Variants in MYO5A observed in about 807,000 individuals in gnomAD.
MYO5A encodes the protein myosin VA, also known as unconventional myosin-Va.
MYO5A carries 98 observed loss-of-function variants against 249.7 expected under a neutral mutation model. The observed-to-expected ratio is 0.39, with a 90% CI of 0.33 to 0.46. The LOEUF is 0.46. MYO5A is among the 20% of genes least tolerant of loss of function. MYO5A has a pLI of 0.98. For synonymous variants in MYO5A, 778 were observed against 810.6 expected, an observed-to-expected ratio of 0.96 and a Z score of 0.68; for missense variants, 1,696 against 2,308.8, an observed-to-expected ratio of 0.73 and a Z score of 5.44.
In MYO5A at chr15:52,507,804, C is replaced by CAAAAAAAAAAAAAAAAAA. The variant is rs57445300; in HGVS notation, c.27+20975_27+20976insTTTTTTTTTTTTTTTTTT. ...GAGCAACAGAATGAGACCCTGTCCCCAAAAAAAAAAAAAAAAAGTGTAATA... is the reference window on the plus strand; with the variant it reads ...GAGCAACAGAATGAGACCCTGTCCCCAAAAAAAAAAAAAAAAAAAAAAAAAAAAAAAAAAAGTGTAATA... On this transcript the variant is annotated intron_variant, in intron 1 of 41. Coordinates refer to ENST00000399233, the MANE Select transcript of MYO5A (RefSeq NM_001382347.1). Among the ~76,000 whole-genome samples the CAAAAAAAAAAAAAAAAAA allele has an allele frequency of 3.9e-5, 4 of 102,964 alleles. No homozygotes were observed. The South Asian group carries it at 1.2e-3, about 32-fold the overall frequency. The allele number at this position is 102,964 out of a possible 152,430, so 67.5% of individuals were successfully genotyped here.
intron 1 of MYO5A, among the ~76,000 whole-genome samples, chr15:52,467,410 C>T (rs2076374451): frequency 6.6e-6 from 1 of 151,974 alleles, no homozygotes; most frequent in African/African-American, 2.4e-5. Context: ...CAAAAATAGA[C>T]TAGACTAAGC....
intron 1 of MYO5A, among the ~76,000 whole-genome samples, chr15:52,465,803 A>C (rs959082655): frequency 3.9e-5 from 6 of 152,162 alleles, no homozygotes; most frequent in African/African-American, 1.4e-4. Context: ...GAAGAACCAA[A>C]ATAGTGTGTA....
At chr15:52,519,621 AT>A (rs201774654) in intron 1 of MYO5A, among the ~76,000 whole-genome samples, 21 of 113,268 alleles carry the variant, frequency 1.9e-4, no homozygotes, top group East Asian at 4.6e-4. Flanking sequence ...AAAAAAAATA[AT>A]AATAATAATA....
chr15:52,462,173 G>A (rs537786651), intron 1 of MYO5A, among the ~76,000 whole-genome samples: 6 of 152,000 alleles, frequency 3.9e-5, no homozygotes, highest in East Asian at 1.9e-4. Flanking sequence ...GGCTGAGGCA[G>A]GAGAATGGCG....
In MYO5A at chr15:52,410,324, C is replaced by T. The variant is rs1393507850; in HGVS notation, c.756+9G>A. 1 of 1,612,422 alleles carries T rather than the reference C, an allele frequency of 6.2e-7. No individual in the cohort carries two copies. ...AACACAAGTGCATATGTGTATATGG[C>T]CAGCTTACCTGGAATACCACTCTGG... is the stretch of plus-strand genomic sequence containing the variant. On this transcript the variant is annotated intron_variant, in intron 6 of 41. Coordinates refer to ENST00000399233, the MANE Select transcript of MYO5A (RefSeq NM_001382347.1).
chr15:52,494,897 C>T (rs2077007322), intron 1 of MYO5A, among the ~76,000 whole-genome samples: 3 of 152,180 alleles, frequency 2.0e-5, no homozygotes, highest in African/African-American at 7.2e-5. Flanking sequence ...TAAGCAAGAA[C>T]AGCTATTGCA....
At chr15:52,321,255 TC>T in intron 38 of MYO5A, 103 bp downstream of exon 38, 2 of 1,470,150 alleles carry the variant, frequency 1.4e-6, no homozygotes, top group Non-Finnish European at 1.9e-6. Context: ...TACTTTATGC[TC>T]CCCAAATGAA....
At chr15:52,428,371 T>C (rs1206045493) in intron 3 of MYO5A, 27 bp downstream of exon 3, 5 of 1,600,460 alleles carry the variant, frequency 3.1e-6, no homozygotes, top group South Asian at 1.1e-5. Context: ...GAGTCCACAG[T>C]CTATTCGGAA....
chr15:52,495,420 T>A (rs2141556620), intron 1 of MYO5A, among the ~76,000 whole-genome samples: 1 of 152,354 alleles, frequency 6.6e-6, no homozygotes, highest in South Asian at 2.1e-4. Context: ...GAGGAACTAC[T>A]GGTCAAAAAA....
At chr15:52,375,580 C>G in intron 19 of MYO5A, 120 bp from the exon 20 acceptor site, 1 of 1,009,670 alleles carries the variant, frequency 9.9e-7, no homozygotes, top group Admixed American at 2.0e-5. Flanking sequence ...TTGTATTATT[C>G]TAATAATGTG....
intron 1 of MYO5A, among the ~76,000 whole-genome samples, chr15:52,469,958 A>G (rs1365034305): frequency 1.3e-5 from 2 of 152,176 alleles, no homozygotes; most frequent in Non-Finnish European, 2.9e-5. Flanking sequence ...CCTTTTTGCC[A>G]CATCCATAAT....
intron 24 of MYO5A, among the ~76,000 whole-genome samples, chr15:52,361,443 T>C (rs2040520498): frequency 2.0e-5 from 3 of 152,202 alleles, no homozygotes; most frequent in Non-Finnish European, 2.9e-5. Context: ...AAGGCATTAA[T>C]AGAAGCAACA....
chr15:52,523,780 G>A (rs1333598026), intron 1 of MYO5A, among the ~76,000 whole-genome samples: 1 of 152,194 alleles, frequency 6.6e-6, no homozygotes, highest in Non-Finnish European at 1.5e-5. Context: ...GGAACACCAG[G>A]AGGAAATTCA....
chr15:52,473,831 C>T (rs1402494490), intron 1 of MYO5A, among the ~76,000 whole-genome samples: 1 of 152,138 alleles, frequency 6.6e-6, no homozygotes, highest in Non-Finnish European at 1.5e-5. Flanking sequence ...AGTGTGATGC[C>T]TCCAGCTTTG....
chr15:52,526,832 C>T (rs1304878442), intron 1 of MYO5A, among the ~76,000 whole-genome samples: 1 of 152,080 alleles, frequency 6.6e-6, no homozygotes, highest in Non-Finnish European at 1.5e-5. Context: ...AAAAAGCATT[C>T]GAAATCCAAC....
chr15:52,370,237 C>T lies in MYO5A; in HGVS notation c.2998G>A (p.Glu1000Lys). ...CATTTTTTCTCTGAACGAGTTTGCT[C>T]CAGGTCTTTCCGGAGCTTGGCAATT... The part of the protein sequence containing the change: ...EEIAKLRKDL[E>K]QTRSEKKCIE... The change falls in exon 22 of 42, where the codon GAG becomes AAG. Residue 1000 changes from glutamate to lysine, a missense_variant. Transcript: ENST00000399233. The T allele has an allele frequency of 1.2e-6, 2 of 1,614,082 alleles. No individual in the cohort carries two copies. The highest frequency in any genetic ancestry group is 1.7e-6 in the Non-Finnish European group (2 of 1,180,004).
chr15:52,505,978 C>T lies in MYO5A; in HGVS notation c.27+22802G>A, dbSNP rs1357443335. 48 of 884,668 alleles carry T rather than the reference C, an allele frequency of 5.4e-5. No homozygotes were observed. The East Asian group carries it at 1.3e-3, about 24-fold the overall frequency. 54.8% of individuals were successfully genotyped at this position (884,668 alleles called of 1,614,324 possible). On this transcript the variant is annotated intron_variant, in intron 1 of 41. Transcript: ENST00000399233. ...CCTGTAATCCCATCACTTTGGGAGG[C>T]TGAGGAGGGCAGATATCTTGAGGTC...
chr15:52,433,413 C>CTT (rs151276395), intron 1 of MYO5A, 128 bp from the exon 2 acceptor site: 21,986 of 268,214 alleles, frequency 0.082, 949 homozygotes, highest in Non-Finnish European at 0.098. Context: ...ATGAAATTCA[C>CTT]TTTTTTTTTT....
Position 52,379,743 on chromosome 15 carries a change from G to T in MYO5A, c.2100-10C>A, listed in dbSNP as rs1374557934. The T allele has an allele frequency of 8.1e-6, 13 of 1,614,082 alleles. No homozygotes were observed. The highest frequency in any genetic ancestry group is 1.1e-5 in the Non-Finnish European group (13 of 1,179,934). On this transcript the variant is annotated splice_polypyrimidine_tract_variant and intron_variant, in intron 17 of 41. Coordinates refer to ENST00000399233, the MANE Select transcript of MYO5A (RefSeq NM_001382347.1). ...TTCTTGGTAAGTCCACCTATTAAAA[G>T]AAAACCATCTGAGTTTACTTAAAGA...
Sources: allele counts gnomAD v4.1 joint callset (sites outside exome capture counted in the v4.1 genomes callset), GRCh38; gene constraint gnomAD v4.1.1; transcripts MANE v1.5; gene names NCBI Gene and HGNC (gene_info 2026-07-23, HGNC 2026-07-21).